Variants in ZMYM5 observed in about 807,000 individuals in gnomAD.
The protein encoded by ZMYM5 is zinc finger MYM-type protein 5.
Under a neutral mutation model 61.8 loss-of-function variants are expected in ZMYM5, and 41 were observed. The ratio of observed to expected loss-of-function variants is 0.66; its 90% CI spans 0.52 to 0.86. ZMYM5 has a LOEUF of 0.86. Ranked by LOEUF, ZMYM5 falls within the 40% of genes least tolerant of loss-of-function variation. The probability of loss-of-function intolerance (pLI) is 0.00; values close to 1 mark genes in which losing one functional copy is unlikely to be tolerated. For synonymous variants in ZMYM5, 257 were observed against 276.4 expected (o/e 0.93, Z 0.70); for missense variants, 706 against 786.7 (o/e 0.90, Z 1.23).
intron 2 of ZMYM5, among the ~76,000 whole-genome samples, chr13:19,862,016 AAC>A (rs1015714831): frequency 1.3e-5 from 2 of 152,210 alleles, no homozygotes; most frequent in African/African-American, 2.4e-5. Flanking sequence ...GTACATAAAT[AAC>A]AGTCTTCCTC....
intron 2 of ZMYM5, among the ~76,000 whole-genome samples, chr13:19,860,464 G>T (rs1953700933): frequency 7.1e-6 from 1 of 141,620 alleles, no homozygotes; most frequent in South Asian, 2.4e-4. Flanking sequence ...GTGTGTGTGT[G>T]TGTGTGTATT....
At chr13:19,840,545 T>A (rs978902616) in intron 4 of ZMYM5, among the ~76,000 whole-genome samples, 1 of 152,120 alleles carries the variant, frequency 6.6e-6, no homozygotes, top group Non-Finnish European at 1.5e-5. Context: ...GGCTAATTTT[T>A]TTATTTTTTG....
intron 5 of ZMYM5, 105 bp from the exon 6 acceptor site, chr13:19,837,926 T>C (rs1027980229): frequency 7.8e-7 from 1 of 1,284,618 alleles, no homozygotes; most frequent in Non-Finnish European, 1.0e-6. Flanking sequence ...GATTTAATAC[T>C]AGAAATCAAG....
rs543441433 is a variant in ZMYM5 at position 19,859,827 on chromosome 13, G to A, written c.-11+2572C>T. On this transcript the variant is annotated intron_variant, in intron 2 of 7. Coordinates refer to ENST00000337963, the MANE Select transcript of ZMYM5 (RefSeq NM_001142684.2). The stretch of plus-strand genomic sequence containing the variant: ...TTTTAAAAAACTAATTACACAGGCC[G>A]GGTGTGGTAGTGGGTGCCTATCATC... 9.2e-5 allele frequency among the ~76,000 whole-genome samples: 14 copies of A among 151,704 alleles called. No individual in the cohort carries two copies. The South Asian group carries it at 1.0e-3, about 11-fold the overall frequency.
intron 2 of ZMYM5, among the ~76,000 whole-genome samples, chr13:19,855,364 G>A (rs933710804): frequency 1.3e-5 from 2 of 151,764 alleles, no homozygotes; most frequent in African/African-American, 4.8e-5. Flanking sequence ...CCAGGTTCAC[G>A]CCATTCTCCT....
chr13:19,831,645 C>T (rs1332837942), intron 7 of ZMYM5, among the ~76,000 whole-genome samples: 2 of 151,124 alleles, frequency 1.3e-5, no homozygotes, highest in Non-Finnish European at 2.9e-5. Context: ...ACCAAAAATA[C>T]AAAAATTAGC....
rs1017760568 is a variant in ZMYM5, at chr13:19,824,934, A to G, written c.1553T>C (p.Leu518Pro). ...NFEDSIVPVVLSADPGTWPRI... is the reference protein window; with the variant it reads ...NFEDSIVPVVPSADPGTWPRI... ...GGGCCACGTACCTGGATCTGCGGAA[A>G]GCACAACTGGTACAATGGAGTCTTC... The change falls in exon 8 of 8, where the codon CTT becomes CCT. Residue 518 changes from leucine (L) to proline (P), a missense_variant. Physicochemically the swap from Leu to Pro is moderately conservative, Grantham distance 98 (BLOSUM62 -3). This residue lies in a region of ZMYM5 where 226 missense variants were observed against 325.0 expected (regional missense o/e 0.70). Coordinates refer to ENST00000337963, the MANE Select transcript of ZMYM5 (RefSeq NM_001142684.2). 2 of 1,363,944 alleles carry G rather than the reference A, an allele frequency of 1.5e-6. No individual in the cohort carries two copies. Among genetic ancestry groups the G allele is most frequent in the African/African-American group, 3.0e-5 (2 of 67,736 alleles). The allele number at this position is 1,363,944 out of a possible 1,614,324, so 84.5% of individuals were successfully genotyped here.
rs1306740568 is a variant in ZMYM5, at chr13:19,852,059, G to T, written c.122C>A (p.Pro41His). ...IGDSFGHPAC[P>H]LVSRSRNSPV... The stretch of plus-strand genomic sequence containing the variant: ...TGAGTTCCTAGATCTACTGACTAAA[G>T]GACAAGCTGGATGACCAAATGAATC... Residue 41 changes from proline (P) to histidine (H), a missense_variant, in exon 3 of 8, where the codon CCT (proline) becomes CAT (histidine). Pro to His is a moderately conservative substitution (Grantham distance 77, BLOSUM62 -2). This residue lies in a region of ZMYM5 where 480 missense variants were observed against 461.7 expected (regional missense o/e 1.04). Transcript: ENST00000337963. 1.2e-6 allele frequency: 2 copies of T among 1,613,902 alleles called. No individual in the cohort carries two copies. Among genetic ancestry groups the T allele is most frequent in the South Asian group, 2.2e-5 (2 of 91,090 alleles).
chr13:19,849,889 G>A (rs1425488207), intron 4 of ZMYM5, among the ~76,000 whole-genome samples: 3 of 151,966 alleles, frequency 2.0e-5, no homozygotes, highest in Non-Finnish European at 4.4e-5. Context: ...GCTGAGGCCC[G>A]GGGATCACTT....
intron 7 of ZMYM5, among the ~76,000 whole-genome samples, chr13:19,834,850 G>C (rs1952625006): frequency 6.6e-6 from 1 of 151,986 alleles, no homozygotes; most frequent in Non-Finnish European, 1.5e-5. Flanking sequence ...CAACTCGCCT[G>C]GCTAATTTTT....
chr13:19,858,243 A>C (rs1394348453), intron 2 of ZMYM5, among the ~76,000 whole-genome samples: 1 of 151,368 alleles, frequency 6.6e-6, no homozygotes, highest in East Asian at 1.9e-4. Flanking sequence ...CAAAAAACAA[A>C]CAGAAAAAAC....
At chr13:19,827,731 T>C (rs910249763) in intron 7 of ZMYM5, among the ~76,000 whole-genome samples, 2 of 152,016 alleles carry the variant, frequency 1.3e-5, no homozygotes, top group African/African-American at 2.4e-5. Context: ...TTTAACATAA[T>C]AAAGATGTAT....
chr13:19,837,616 C>T (rs928248557), intron 6 of ZMYM5, 40 bp downstream of exon 6: 1 of 1,605,822 alleles, frequency 6.2e-7, no homozygotes, highest in Admixed American at 1.7e-5. Flanking sequence ...AAAATTATCA[C>T]TGTTAGCCTA....
chr13:19,853,077 C>T (rs1202900557), intron 2 of ZMYM5, among the ~76,000 whole-genome samples: 7 of 152,228 alleles, frequency 4.6e-5, no homozygotes, highest in Admixed American at 4.6e-4. Context: ...ATCTCAAACT[C>T]CTGGCCTCAA....
chr13:19,835,612 G>A lies in ZMYM5; in HGVS notation c.1116C>T (p.Ala372=), dbSNP rs749245671. 2 of 1,367,542 alleles carry A rather than the reference G, an allele frequency of 1.5e-6. No homozygotes were observed. Among genetic ancestry groups the A allele is most frequent in the South Asian group, 1.1e-5 (1 of 88,042 alleles). The allele number at this position is 1,367,542 out of a possible 1,614,324, so 84.7% of individuals were successfully genotyped here. ...SNHCFNKYRL[A]NGLIMNCCEH... ...CACAGCAGTTCATTATTAGACCATTGGCCAATCTGTACTTATTAAAGCAAT... is the reference window on the plus strand; with the variant it reads ...CACAGCAGTTCATTATTAGACCATTAGCCAATCTGTACTTATTAAAGCAAT... The change falls in exon 7 of 8, where the codon GCC becomes GCT. Residue 372 remains alanine, a synonymous_variant. Transcript: ENST00000337963.
At chr13:19,828,943 C>G (rs566888666) in intron 7 of ZMYM5, among the ~76,000 whole-genome samples, 2 of 152,164 alleles carry the variant, frequency 1.3e-5, no homozygotes, top group African/African-American at 4.8e-5. Context: ...TATAATGGAG[C>G]TGAAAAATTC....
chr13:19,855,476 A>G (rs1953468170), intron 2 of ZMYM5, among the ~76,000 whole-genome samples: 1 of 149,950 alleles, frequency 6.7e-6, no homozygotes, highest in East Asian at 2.1e-4. Context: ...GTTAGCCAGG[A>G]TGGTCTCAAT....
intron 4 of ZMYM5, among the ~76,000 whole-genome samples, chr13:19,841,469 T>C (rs1169385858): frequency 2.6e-5 from 4 of 152,020 alleles, no homozygotes; most frequent in Non-Finnish European, 5.9e-5. Flanking sequence ...CTCTCAGATC[T>C]TGGAACCTTA....
intron 2 of ZMYM5, 24 bp downstream of exon 2, chr13:19,862,375 G>C (rs1274104404): frequency 2.0e-5 from 3 of 150,768 alleles, no homozygotes; most frequent in African/African-American, 7.3e-5. Context: ...AGCAAAGCGG[G>C]GTAAAAAAAA....
Sources: allele counts gnomAD v4.1 joint callset (sites outside exome capture counted in the v4.1 genomes callset), GRCh38; gene constraint gnomAD v4.1.1; regional missense constraint gnomAD v4.1.1; transcripts MANE v1.5; gene names NCBI Gene and HGNC (gene_info 2026-07-23, HGNC 2026-07-21).